The following CAMKMT variants were observed in gnomAD, a reference collection of about 807,000 sequenced individuals.
CAMKMT encodes the protein calmodulin-lysine N-methyltransferase.
Under a neutral mutation model 48.0 loss-of-function variants are expected in CAMKMT, and 53 were observed. The observed-to-expected ratio is 1.10, with a 90% CI of 0.89 to 1.39. The LOEUF (loss-of-function observed/expected upper bound fraction) is 1.39, where lower values mean the gene tolerates loss of function less well. Among genes scored for constraint, CAMKMT ranks in the 40% most tolerant of loss-of-function variants. CAMKMT has a pLI of 0.00. For synonymous variants in CAMKMT, 165 were observed against 152.3 expected (o/e 1.08, Z -0.61); for missense variants, 428 against 402.7 (o/e 1.06, Z -0.54).
chr2:44,560,088 C>T lies in CAMKMT; in HGVS notation c.377-144195C>T, dbSNP rs541335178. 3.0e-4 allele frequency among the ~76,000 whole-genome samples: 46 copies of T among 152,220 alleles called. 1 individual carries two copies. Among genetic ancestry groups the T allele is most frequent in the African/African-American group, 8.9e-4 (37 of 41,558 alleles). Reference sequence around the variant, plus strand: ...AAATGTGTAAGTTTGCCTTTGAAGTCGCTTTTCAAGTTGTCAGTAAAATAT... The same window carrying T: ...AAATGTGTAAGTTTGCCTTTGAAGTTGCTTTTCAAGTTGTCAGTAAAATAT... On this transcript the variant is annotated intron_variant, in intron 3 of 10. Transcript: ENST00000378494.
intron 3 of CAMKMT, among the ~76,000 whole-genome samples, chr2:44,460,675 A>T (rs900792723): frequency 6.7e-6 from 1 of 150,332 alleles, no homozygotes; most frequent in African/African-American, 2.4e-5. Context: ...GTAATAAACT[A>T]GTAAACAAAG....
chr2:44,614,680 A>C (rs1278527528), intron 3 of CAMKMT, among the ~76,000 whole-genome samples: 1 of 152,168 alleles, frequency 6.6e-6, no homozygotes, highest in African/African-American at 2.4e-5. Context: ...AGAGGTCAAG[A>C]AAAGCCTCAT....
chr2:44,516,930 TG>T (rs1487554441), intron 3 of CAMKMT, among the ~76,000 whole-genome samples: 1 of 151,912 alleles, frequency 6.6e-6, no homozygotes, highest in Admixed American at 6.6e-5. Context: ...TTAGTGGAGA[TG>T]GGGTTTCACC....
At chr2:44,605,556 T>G (rs1385865345) in intron 3 of CAMKMT, among the ~76,000 whole-genome samples, 1 of 152,174 alleles carries the variant, frequency 6.6e-6, no homozygotes, top group Non-Finnish European at 1.5e-5. Flanking sequence ...TTGTATATCA[T>G]TGAAAAAGTG....
At chr2:44,516,764 C>T (rs184702551) in intron 3 of CAMKMT, among the ~76,000 whole-genome samples, 450 of 123,704 alleles carry the variant, frequency 3.6e-3, no homozygotes, top group East Asian at 0.022. Flanking sequence ...TTTTTTGAGA[C>T]GGAGTCTCAC....
chr2:44,688,279 C>T (rs1316051412), intron 3 of CAMKMT, among the ~76,000 whole-genome samples: 1 of 152,094 alleles, frequency 6.6e-6, no homozygotes, highest in Non-Finnish European at 1.5e-5. Context: ...GCTGTGTTTA[C>T]AGCCAGGACG....
At chr2:44,370,111 A>G (rs886797358) in intron 1 of CAMKMT, 1 of 152,088 alleles carries the variant, frequency 6.6e-6, no homozygotes, top group African/African-American at 2.4e-5. Context: ...CTGGATTTTA[A>G]CCTTGGGTTT....
chr2:44,394,993 T>TAAA (rs111573063), intron 3 of CAMKMT: 6 of 444,502 alleles, frequency 1.3e-5, no homozygotes, highest in African/African-American at 6.1e-5. Context: ...ACTTTTCCTG[T>TAAA]AAAAAAAAGA....
At chr2:44,392,060 G>A (rs1237430460) in intron 3 of CAMKMT, 1 of 152,356 alleles carries the variant, frequency 6.6e-6, no homozygotes, top group Non-Finnish European at 1.5e-5. Flanking sequence ...TGCAATAAAA[G>A]TTATTAATTA....
At chr2:44,477,065 T>C (rs1414901436) in intron 3 of CAMKMT, among the ~76,000 whole-genome samples, 1 of 152,202 alleles carries the variant, frequency 6.6e-6, no homozygotes, top group African/African-American at 2.4e-5. Context: ...ATTTTAAAAA[T>C]TATTTAAACA....
chr2:44,465,620 A>G (rs987186617), intron 3 of CAMKMT, among the ~76,000 whole-genome samples: 5 of 152,132 alleles, frequency 3.3e-5, no homozygotes, highest in Non-Finnish European at 5.9e-5. Flanking sequence ...AAGAGAGAAA[A>G]GGAGAGACAA....
At chr2:44,630,106 T>C (rs1672729341) in intron 3 of CAMKMT, among the ~76,000 whole-genome samples, 1 of 151,766 alleles carries the variant, frequency 6.6e-6, no homozygotes, top group Non-Finnish European at 1.5e-5. Context: ...TCTACAACTA[T>C]CTGATCTTTG....
intron 3 of CAMKMT, among the ~76,000 whole-genome samples, chr2:44,460,160 A>G (rs76200574): frequency 0.055 from 8,395 of 152,286 alleles, 302 homozygotes; most frequent in South Asian, 0.14. Context: ...TTTAATTTGC[A>G]TAATCAAAGC....
At chr2:44,748,839 A>G (rs1680029196) in intron 8 of CAMKMT, among the ~76,000 whole-genome samples, 1 of 152,188 alleles carries the variant, frequency 6.6e-6, no homozygotes, top group Non-Finnish European at 1.5e-5. Context: ...ATCGCTCAAG[A>G]TATTATTGCC....
rs149858874 is a variant in CAMKMT at position 44,375,290 on chromosome 2, A to G, written c.311+2402A>G. On this transcript the variant is annotated intron_variant, in intron 2 of 10. Coordinates refer to ENST00000378494, the MANE Select transcript of CAMKMT (RefSeq NM_024766.5). ...CCTCTATATTTTTTAAGTTTGTTTA[A>G]TCAGCAGTAATGATGATTGAAAAAA... 3.4e-3 allele frequency among the ~76,000 whole-genome samples: 510 copies of G among 151,976 alleles called. 5 individuals are homozygous for G. In the Middle Eastern group the frequency reaches 0.037, roughly 11 times the overall value.
chr2:44,472,457 C>A (rs754785589), intron 3 of CAMKMT, among the ~76,000 whole-genome samples: 4 of 152,188 alleles, frequency 2.6e-5, no homozygotes, highest in African/African-American at 4.8e-5. Flanking sequence ...GAGGCTCAAT[C>A]TAATAACTTG....
intron 3 of CAMKMT, among the ~76,000 whole-genome samples, chr2:44,692,335 C>T (rs1676702684): frequency 6.6e-6 from 1 of 152,238 alleles, no homozygotes; most frequent in African/African-American, 2.4e-5. Context: ...CCCCACAGCA[C>T]CCCATGAGAA....
chr2:44,368,514 G>A (rs536006703), intron 1 of CAMKMT, among the ~76,000 whole-genome samples: 3 of 152,178 alleles, frequency 2.0e-5, no homozygotes, highest in East Asian at 3.9e-4. Flanking sequence ...TCGTATTGTC[G>A]ATCATGTAGA....
intron 3 of CAMKMT, among the ~76,000 whole-genome samples, chr2:44,610,282 T>C (rs958290719): frequency 6.6e-6 from 1 of 152,068 alleles, no homozygotes; most frequent in Non-Finnish European, 1.5e-5. Flanking sequence ...GCATATAGGG[T>C]TAAAAGAGTT....
Sources: allele counts gnomAD v4.1 joint callset (sites outside exome capture counted in the v4.1 genomes callset), GRCh38; gene constraint gnomAD v4.1.1; transcripts MANE v1.5; gene names NCBI Gene and HGNC (gene_info 2026-07-23, HGNC 2026-07-21).